WNK3: variants seen among roughly 807,000 people sequenced by gnomAD.
WNK3 encodes the protein WNK lysine deficient protein kinase 3.
Under a neutral mutation model 116.7 loss-of-function variants are expected in WNK3, and 18 were observed. The ratio of observed to expected loss-of-function variants is 0.15; its 90% confidence interval spans 0.11 to 0.23. WNK3 has a LOEUF of 0.23. Ranked by LOEUF, WNK3 falls within the 10% of genes least tolerant of loss-of-function variation. WNK3 has a pLI of 1.00. For synonymous variants in WNK3, 404 were observed against 469.4 expected (o/e 0.86, Z 1.80); for missense variants, 993 against 1,323.8 (o/e 0.75, Z 3.88).
chrX:54,272,057 T>G (rs1557159441), intron 10 of WNK3, among the ~76,000 whole-genome samples: 1 of 112,341 alleles, frequency 8.9e-6, no homozygotes. Context: ...TTCCCTTCAA[T>G]TAGAATAAAG....
intron 11 of WNK3, among the ~76,000 whole-genome samples, chrX:54,256,992 A>G (rs1429943010): frequency 5.3e-5 from 6 of 112,203 alleles, no homozygotes; most frequent in African/African-American, 1.9e-4. Flanking sequence ...AAGTACAGCT[A>G]AAAGTTCTAG....
chrX:54,280,259 T>C (rs1342341445), intron 10 of WNK3, among the ~76,000 whole-genome samples: 1 of 108,727 alleles, frequency 9.2e-6, no homozygotes, highest in Admixed American at 9.9e-5. Flanking sequence ...ATTGTGCCAC[T>C]GCACTCCAGC....
rs138334241 is a variant in WNK3, at chrX:54,249,664, C to A, written c.2714-30G>T. ...AACAATAATAAAGAATGGCTAAGCA[C>A]GTACTGACGAGTACAAAGCACAGAC... On this transcript the variant is annotated intron_variant, in intron 16 of 23. Transcript: ENST00000354646. The A allele has an allele frequency of 1.3e-5, 15 of 1,153,706 alleles. No individual in the cohort carries two copies. In the African/African-American group the frequency reaches 2.7e-4, roughly 21 times the overall value.
chrX:54,215,183 C>T (rs782567602), intron 22 of WNK3, among the ~76,000 whole-genome samples: 1 of 107,910 alleles, frequency 9.3e-6, no homozygotes, highest in South Asian at 4.1e-4. Context: ...CACCCTGGAG[C>T]TCTCCCTCTC....
intron 23 of WNK3, among the ~76,000 whole-genome samples, chrX:54,200,015 G>A (rs906681163): frequency 1.1e-4 from 12 of 111,517 alleles, no homozygotes; most frequent in African/African-American, 9.8e-5. Context: ...GGGCTTTTGC[G>A]TATGCGATCC....
chrX:54,270,012 T>G (rs1445903852), intron 10 of WNK3, among the ~76,000 whole-genome samples: 1 of 112,018 alleles, frequency 8.9e-6, no homozygotes, highest in Non-Finnish European at 1.9e-5. Context: ...GTTTTGTTTT[T>G]GAGAGGTAGG....
At chrX:54,287,301 T>C (rs1472110260) in intron 10 of WNK3, among the ~76,000 whole-genome samples, 1 of 112,147 alleles carries the variant, frequency 8.9e-6, no homozygotes, top group Non-Finnish European at 1.9e-5. Context: ...GACTAAAGGA[T>C]CTTGGAAAGC....
At position 54,268,716 on chromosome X, in the gene WNK3, A is replaced by G. The variant is rs181620037; in HGVS notation, c.2038-9378T>C. Among the ~76,000 whole-genome samples, 318 of 110,942 alleles carry G rather than the reference A, an allele frequency of 2.9e-3. 3 individuals are homozygous for G. The highest frequency in any genetic ancestry group is 9.8e-3 in the African/African-American group (301 of 30,578). On this transcript the variant is annotated intron_variant, in intron 10 of 23. Transcript: ENST00000354646. Reference sequence around the variant, plus strand: ...GGTCCCCCAAATCTAGGGCATTTTAACCATCTAAATAAATAATGATAGTAT... The same window carrying G: ...GGTCCCCCAAATCTAGGGCATTTTAGCCATCTAAATAAATAATGATAGTAT...
intron 11 of WNK3, among the ~76,000 whole-genome samples, chrX:54,258,274 T>C (rs1362398643): frequency 1.5e-5 from 1 of 68,911 alleles, no homozygotes; most frequent in Non-Finnish European, 2.5e-5. Flanking sequence ...TGAGACTCCA[T>C]CTCAAAAAAA....
chrX:54,213,570 A>AAAAAAAAAAAAAAAAAAAAAAAAAC (rs2067646955), intron 22 of WNK3, among the ~76,000 whole-genome samples: 1 of 86,934 alleles, frequency 1.2e-5, no homozygotes, highest in African/African-American at 5.7e-5. Flanking sequence ...AAAAACAAAC[A>AAAAAAAAAAAAAAAAAAAAAAAAAC]AAAAAAAAAA....
intron 22 of WNK3, among the ~76,000 whole-genome samples, chrX:54,219,382 A>G (rs1199642536): frequency 9.0e-6 from 1 of 110,812 alleles, no homozygotes; most frequent in Admixed American, 9.7e-5. Context: ...AAATCTTTCA[A>G]AAATGAAGGA....
Position 54,264,107 on chromosome X carries a change from C to T in WNK3, c.2038-4769G>A, listed in dbSNP as rs781948361. ...CAGCACTTTGGGAGGCTGAGGCAGG[C>T]GGATCACCTGAGGTCAGGAGTTGGA... On this transcript the variant is annotated intron_variant, in intron 10 of 23. Transcript: ENST00000354646. Among the ~76,000 whole-genome samples the T allele has an allele frequency of 3.6e-4, 39 of 108,336 alleles. 1 individual carries two copies. The highest frequency in any genetic ancestry group is 5.9e-4 in the Non-Finnish European group (31 of 52,175). 94.1% of individuals were successfully genotyped at this position (108,336 alleles called of 115,157 possible).
chrX:54,206,736 A>T (rs1557142761), intron 22 of WNK3, among the ~76,000 whole-genome samples: 3 of 112,406 alleles, frequency 2.7e-5, no homozygotes, highest in Non-Finnish European at 5.6e-5. Context: ...CCACCAGATT[A>T]ATATGAGTGA....
chrX:54,257,439 C>T (rs1280103996), intron 11 of WNK3, among the ~76,000 whole-genome samples: 2 of 110,883 alleles, frequency 1.8e-5, no homozygotes, highest in African/African-American at 3.3e-5. Flanking sequence ...ATCAGAATCA[C>T]GGCCCACAAA....
At chrX:54,302,767 T>TTA (rs1557167881) in intron 5 of WNK3, among the ~76,000 whole-genome samples, 3 of 73,105 alleles carry the variant, frequency 4.1e-5, no homozygotes, top group African/African-American at 1.5e-4. Flanking sequence ...ATTTTTTTTT[T>TTA]TTTTTTTATT....
chrX:54,335,281 T>C (rs1195952875), intron 1 of WNK3, among the ~76,000 whole-genome samples: 1 of 111,375 alleles, frequency 9.0e-6, no homozygotes, highest in Non-Finnish European at 1.9e-5. Context: ...TAAAACACTG[T>C]AGTCTTCAGT....
Position 54,238,489 on chromosome X carries a change from A to G in WNK3, c.3884-17T>C, listed in dbSNP as rs1557150774. The G allele has an allele frequency of 8.4e-7, 1 of 1,192,438 alleles. No individual in the cohort carries two copies. Among genetic ancestry groups the G allele is most frequent in the Non-Finnish European group, 1.1e-6 (1 of 888,577 alleles). ...CTGTTTCCACTGCAAGTTTTGCCAA[A>G]TTGTAAGTAAAAAAGAGAAAATTGT... On this transcript the variant is annotated splice_polypyrimidine_tract_variant and intron_variant, in intron 18 of 23. Coordinates refer to ENST00000354646, the Ensembl canonical transcript of WNK3.
chrX:54,248,246 G>A (rs1344594223), intron 17 of WNK3, among the ~76,000 whole-genome samples: 1 of 108,647 alleles, frequency 9.2e-6, no homozygotes, highest in African/African-American at 3.3e-5. Flanking sequence ...AAAAAAAAAA[G>A]TCATGGTATT....
chrX:54,353,305 A>C (rs1175894611), intron 1 of WNK3, among the ~76,000 whole-genome samples: 1 of 110,563 alleles, frequency 9.0e-6, no homozygotes, highest in Non-Finnish European at 1.9e-5. Context: ...CTAAAATACA[A>C]AAATTAGCCA....
Sources: gnomAD v4.1 joint callset for allele counts (sites outside exome capture counted in the v4.1 genomes callset) on GRCh38, gnomAD v4.1.1 for gene constraint, MANE v1.5 for transcripts, NCBI Gene and HGNC (gene_info 2026-07-23, HGNC 2026-07-21) for gene names.